The following RABGEF1 variants were observed in gnomAD, a reference collection of about 807,000 sequenced individuals.
RABGEF1 encodes RAB guanine nucleotide exchange factor 1.
RABGEF1 carries 26 observed loss-of-function variants against 57.3 expected under a neutral mutation model. That is an observed-to-expected ratio of 0.45 (90% CI 0.33 to 0.63). RABGEF1 has a LOEUF of 0.63. Ranked by LOEUF, RABGEF1 falls within the 20% of genes least tolerant of loss-of-function variation. RABGEF1 has a pLI of 0.02. For synonymous variants in RABGEF1, 185 were observed against 210.7 expected (o/e 0.88, Z 1.06); for missense variants, 464 against 607.6 (o/e 0.76, Z 2.48).
At chr7:66,785,872 TGG>T (rs138640399) in intron 4 of RABGEF1, among the ~76,000 whole-genome samples, 1 of 148,390 alleles carries the variant, frequency 6.7e-6, no homozygotes, top group South Asian at 2.1e-4. Context: ...AGACTCCATC[TGG>T]GGGGGAAAAA....
intron 1 of RABGEF1, among the ~76,000 whole-genome samples, chr7:66,703,077 C>T (rs992425634): frequency 6.6e-6 from 1 of 152,128 alleles, no homozygotes; most frequent in Non-Finnish European, 1.5e-5. Context: ...GGGTTCACTC[C>T]ATTCTCCTGC....
At chr7:66,754,714 C>T (rs1036715899) in intron 1 of RABGEF1, among the ~76,000 whole-genome samples, 1 of 152,156 alleles carries the variant, frequency 6.6e-6, no homozygotes, top group African/African-American at 2.4e-5. Flanking sequence ...TTGATTGCGC[C>T]ATCTAACAAA....
the RABGEF1 span, among the ~76,000 whole-genome samples, chr7:66,676,388 A>G: frequency 6.6e-6 from 1 of 152,142 alleles, no homozygotes; most frequent in African/African-American, 2.4e-5. Flanking sequence ...TCACATACTC[A>G]AGCATATTCA....
At chr7:66,728,247 GT>G (rs1378608131) in intron 2 of RABGEF1, among the ~76,000 whole-genome samples, 1 of 152,102 alleles carries the variant, frequency 6.6e-6, no homozygotes, top group Non-Finnish European at 1.5e-5. Flanking sequence ...GTTCTGCCTG[GT>G]TCTTCACTCA....
chr7:66,662,795 G>A, the RABGEF1 span, among the ~76,000 whole-genome samples: 2 of 151,420 alleles, frequency 1.3e-5, no homozygotes, highest in African/African-American at 2.5e-5. Context: ...GCATGTGTGT[G>A]CAGGTGTATG....
At chr7:66,753,706 T>G (rs1004115824) in intron 1 of RABGEF1, among the ~76,000 whole-genome samples, 18 of 139,920 alleles carry the variant, frequency 1.3e-4, no homozygotes, top group Admixed American at 1.2e-3. Flanking sequence ...CCATCGTTTT[T>G]TTTTTTTTTT....
At chr7:66,685,737 C>T (rs1254891264) in intron 1 of RABGEF1, among the ~76,000 whole-genome samples, 3 of 152,294 alleles carry the variant, frequency 2.0e-5, no homozygotes, top group African/African-American at 7.2e-5. Context: ...CCAGTACTTA[C>T]TCATTGTGAT....
At chr7:66,681,069 C>A (rs1789685003), upstream of RABGEF1, among the ~76,000 whole-genome samples, 1 of 151,978 alleles carries the variant, frequency 6.6e-6, no homozygotes, top group Non-Finnish European at 1.5e-5. Flanking sequence ...GGTGACAGAG[C>A]GCGACTGTCT....
At chr7:66,763,529 G>T (rs1484637542) in intron 1 of RABGEF1, among the ~76,000 whole-genome samples, 1 of 152,102 alleles carries the variant, frequency 6.6e-6, no homozygotes, top group African/African-American at 2.4e-5. Context: ...GCTTTATTGA[G>T]GTATAATTCA....
upstream of RABGEF1, among the ~76,000 whole-genome samples, chr7:66,678,235 G>C (rs369283217): frequency 3.9e-5 from 6 of 151,994 alleles, no homozygotes; most frequent in East Asian, 1.2e-3. Context: ...CATCCTGCTG[G>C]TATTTTTAGA....
intron 7 of RABGEF1, 74 bp downstream of exon 7, chr7:66,799,488 A>G (rs1786791895): frequency 8.3e-7 from 1 of 1,203,952 alleles, no homozygotes; most frequent in East Asian, 2.4e-5. Flanking sequence ...ATATTCATCT[A>G]TACATTTGTA....
intron 2 of RABGEF1, among the ~76,000 whole-genome samples, chr7:66,716,578 G>C (rs1366757489): frequency 6.6e-6 from 1 of 152,110 alleles, no homozygotes; most frequent in Non-Finnish European, 1.5e-5. Flanking sequence ...TCCAGGCTGA[G>C]TGAAAGAGCA....
intron 1 of RABGEF1, chr7:66,768,976 G>A (rs973166570): frequency 6.6e-6 from 1 of 152,162 alleles, no homozygotes; most frequent in Non-Finnish European, 1.5e-5. Flanking sequence ...CATAGCTGCA[G>A]ACAAAGCACA....
intron 2 of RABGEF1, among the ~76,000 whole-genome samples, chr7:66,722,655 T>G (rs1451016677): frequency 6.6e-6 from 1 of 152,224 alleles, no homozygotes; most frequent in Non-Finnish European, 1.5e-5. Context: ...TTAGCTTTTA[T>G]ATTTGGGTCT....
At chr7:66,716,524 C>T (rs10256117) in intron 2 of RABGEF1, among the ~76,000 whole-genome samples, 15,873 of 152,138 alleles carry the variant, frequency 0.1, 913 homozygotes, top group Non-Finnish European at 0.11. Flanking sequence ...TCGCTTGAAC[C>T]TGGGAGGCAG....
At chr7:66,709,567 T>G (rs1252737862) in intron 1 of RABGEF1, among the ~76,000 whole-genome samples, 1 of 152,044 alleles carries the variant, frequency 6.6e-6, no homozygotes, top group Non-Finnish European at 1.5e-5. Flanking sequence ...GGTGGGCAGA[T>G]CAGGAGTTCA....
intron 1 of RABGEF1, among the ~76,000 whole-genome samples, chr7:66,751,363 C>G (rs1027852130): frequency 9.9e-5 from 15 of 152,102 alleles, no homozygotes; most frequent in African/African-American, 3.1e-4. Context: ...AAAAACATAC[C>G]ATTAAATAAG....
intron 1 of RABGEF1, among the ~76,000 whole-genome samples, chr7:66,767,093 C>G (rs569329537): frequency 1.3e-5 from 2 of 150,906 alleles, no homozygotes; most frequent in African/African-American, 4.9e-5. Context: ...ACCTCCATCT[C>G]CCCGGTTCAT....
At chr7:66,739,044 G>A (rs950634850), upstream of RABGEF1, among the ~76,000 whole-genome samples, 49 of 152,038 alleles carry the variant, frequency 3.2e-4, no homozygotes, top group African/African-American at 1.1e-3. Context: ...TCCGCTTCCC[G>A]GGCTCAAGTG....
Sources: gnomAD v4.1 joint callset for allele counts (sites outside exome capture counted in the v4.1 genomes callset) on GRCh38, gnomAD v4.1.1 for gene constraint, MANE v1.5 for transcripts, NCBI Gene and HGNC (gene_info 2026-07-23, HGNC 2026-07-21) for gene names.